The following CELA1 variants were observed in gnomAD, a reference collection of about 807,000 sequenced individuals.
CELA1 encodes the protein chymotrypsin like elastase 1, also known as chymotrypsin-like elastase family member 1.
CELA1 carries 28 observed loss-of-function variants against 34.8 expected under a neutral mutation model. The observed-to-expected ratio is 0.80, with a 90% CI of 0.60 to 1.10. The LOEUF (loss-of-function observed/expected upper bound fraction) is 1.10, where lower values mean the gene tolerates loss of function less well. Among genes scored for constraint, CELA1 ranks in the 50% least tolerant of loss-of-function variants. The pLI is 0.00. For synonymous variants in CELA1, 140 were observed against 129.8 expected, an observed-to-expected ratio of 1.08 and a Z score of -0.53; for missense variants, 288 against 327.5, an observed-to-expected ratio of 0.88 and a Z score of 0.93.
intron 6 of CELA1, among the ~76,000 whole-genome samples, chr12:51,335,607 T>C (rs538117778): frequency 1.2e-3 from 173 of 148,604 alleles, no homozygotes; most frequent in South Asian, 3.2e-3. Context: ...TCCTTAAAGC[T>C]ACCAGACTTT....
At position 51,346,516 on chromosome 12, in the gene CELA1, GA is replaced by G. The variant is rs1160236074; in HGVS notation, c.16+106del. 4 of 1,090,252 alleles carry G rather than the reference GA, an allele frequency of 3.7e-6. No homozygotes were observed. In the East Asian group the frequency reaches 7.7e-5, roughly 21 times the overall value. The allele number at this position is 1,090,252 out of a possible 1,614,324, so 67.5% of individuals were successfully genotyped here. A position where few individuals can be genotyped will look rare whatever the true frequency, so the allele number is the denominator to read the frequency against. On this transcript the variant is annotated intron_variant, in intron 1 of 7. Coordinates refer to ENST00000293636, the MANE Select transcript of CELA1 (RefSeq NM_001971.6). Reference sequence around the variant, plus strand: ...GACAGGGTGCTGGCCTGGACTTAGGGAAAATTTGCTGACCTTCCTGCCCAAG... The same window carrying G: ...GACAGGGTGCTGGCCTGGACTTAGGGAAATTTGCTGACCTTCCTGCCCAAG...
intron 5 of CELA1, 104 bp downstream of exon 5, chr12:51,341,140 G>A: frequency 3.4e-6 from 4 of 1,193,444 alleles, no homozygotes; most frequent in African/African-American, 1.5e-5. Context: ...TTTAGCTCCT[G>A]GTCTCTGGCC....
intron 6 of CELA1, among the ~76,000 whole-genome samples, chr12:51,336,369 C>T (rs1041559364): frequency 2.0e-5 from 3 of 152,170 alleles, no homozygotes; most frequent in Middle Eastern, 3.2e-3. Flanking sequence ...CTTGGCCAGG[C>T]GTGGTGGCTC....
intron 6 of CELA1, among the ~76,000 whole-genome samples, chr12:51,336,563 G>C (rs1282657494): frequency 3.3e-5 from 5 of 152,204 alleles, no homozygotes; most frequent in African/African-American, 9.6e-5. Context: ...TGAGACAGAG[G>C]GGGCAGTGAG....
chr12:51,341,505 C>T (rs1005899187), intron 4 of CELA1, 125 bp from the exon 5 acceptor site: 8 of 1,018,312 alleles, frequency 7.9e-6, no homozygotes, highest in South Asian at 1.5e-5. Context: ...TGAAGAAGGA[C>T]GGGGCTCACT....
At chr12:51,342,445 C>T in intron 4 of CELA1, 130 bp downstream of exon 4, 1 of 1,346,570 alleles carries the variant, frequency 7.4e-7, no homozygotes, top group Non-Finnish European at 1.0e-6. Context: ...AAAGGCCAGG[C>T]CAGGAGCCAC....
intron 6 of CELA1, among the ~76,000 whole-genome samples, chr12:51,338,287 C>CAT (rs35600345): frequency 5.6e-5 from 7 of 124,292 alleles, no homozygotes; most frequent in African/African-American, 1.8e-4. Flanking sequence ...CACACACACA[C>CAT]ATACACATAC....
chr12:51,341,037 C>CT lies in CELA1; in HGVS notation c.463+206dup, dbSNP rs143156265. On this transcript the variant is annotated intron_variant, in intron 5 of 7. Transcript: ENST00000293636. ...GGTAAAAAAAATTCTCTGATAAAGT[C>CT]TTTTTTTGTTCTAAGAGTCCATGAA... Among the ~76,000 whole-genome samples the CT allele has an allele frequency of 4.6e-5, 7 of 152,148 alleles. No homozygotes were observed. In the East Asian group the frequency reaches 1.4e-3, roughly 29 times the overall value.
intron 6 of CELA1, among the ~76,000 whole-genome samples, chr12:51,330,947 G>A (rs1254349542): frequency 1.4e-5 from 2 of 144,020 alleles, no homozygotes; most frequent in Non-Finnish European, 3.0e-5. Flanking sequence ...TCCAGCCTGG[G>A]CGACAGAGTG....
In CELA1 at chr12:51,329,778, C is replaced by G; in HGVS notation, c.665G>C (p.Gly222Ala). The part of the protein sequence containing the change: ...CLVNGKYSVH[G>A]VTSFVSSRGC... ...CCGGCTGGACACAAAGCTGGTCACTCCATGGACAGAATACTTGCCATTCAC... is the reference window on the plus strand; with the variant it reads ...CCGGCTGGACACAAAGCTGGTCACTGCATGGACAGAATACTTGCCATTCAC... The change falls in exon 7 of 8, where the codon GGA (glycine) becomes GCA (alanine). Residue 222 changes from glycine to alanine, a missense_variant. Physicochemically the swap from Gly to Ala is moderately conservative, Grantham distance 60. Transcript: ENST00000293636. 4 of 1,613,810 alleles carry G rather than the reference C, an allele frequency of 2.5e-6. No individual in the cohort carries two copies. Among genetic ancestry groups the G allele is most frequent in the Non-Finnish European group, 3.4e-6 (4 of 1,179,914 alleles).
At chr12:51,330,184 G>C (rs182442654) in intron 6 of CELA1, among the ~76,000 whole-genome samples, 1 of 152,056 alleles carries the variant, frequency 6.6e-6, no homozygotes, top group Admixed American at 6.6e-5. Flanking sequence ...AAGTTCAATC[G>C]CTTTTATTGG....
intron 5 of CELA1, among the ~76,000 whole-genome samples, chr12:51,340,998 A>T (rs903754909): frequency 6.6e-6 from 1 of 152,208 alleles, no homozygotes; most frequent in African/African-American, 2.4e-5. Context: ...AATAAATTTT[A>T]AAAATGAGGG....
At chr12:51,339,770 G>A in intron 6 of CELA1, 90 bp downstream of exon 6, 1 of 1,322,680 alleles carries the variant, frequency 7.6e-7, no homozygotes, top group Non-Finnish European at 1.1e-6. Flanking sequence ...AGGACTAAGA[G>A]TAAGTGTCGA....
chr12:51,334,084 T>C (rs1946487348), intron 6 of CELA1, among the ~76,000 whole-genome samples: 1 of 152,086 alleles, frequency 6.6e-6, no homozygotes, highest in African/African-American at 2.4e-5. Flanking sequence ...TTTGAGAAAC[T>C]CCAGTGGGGA....
intron 6 of CELA1, among the ~76,000 whole-genome samples, chr12:51,332,187 T>TAAAA (rs35398341): frequency 7.1e-6 from 1 of 140,228 alleles, no homozygotes; most frequent in East Asian, 2.1e-4. Flanking sequence ...CCTGTCTCTT[T>TAAAA]AAAAAAAAAA....
At chr12:51,340,060 A>ACCTT in intron 5 of CELA1, 55 bp from the exon 6 acceptor site, 1 of 1,517,378 alleles carries the variant, frequency 6.6e-7, no homozygotes, top group Non-Finnish European at 8.9e-7. Context: ...CAGCAGAAAA[A>ACCTT]CCTTCCACCC....
intron 3 of CELA1, among the ~76,000 whole-genome samples, chr12:51,343,129 A>C (rs4145127): frequency 0.43 from 64,843 of 151,950 alleles, 14,181 homozygotes; most frequent in East Asian, 0.58. Flanking sequence ...TATCTTGTAA[A>C]CTGGGAGAGG....
At chr12:51,333,278 G>A (rs1417336626) in intron 6 of CELA1, among the ~76,000 whole-genome samples, 1 of 152,022 alleles carries the variant, frequency 6.6e-6, no homozygotes, top group Non-Finnish European at 1.5e-5. Context: ...ATTTTTAGTA[G>A]AGATGGAGTT....
rs917447121 is a variant in CELA1, at chr12:51,329,898, G to GC, written c.610-66dup. On this transcript the variant is annotated intron_variant, in intron 6 of 7. Coordinates refer to ENST00000293636, the MANE Select transcript of CELA1 (RefSeq NM_001971.6). ...TCGGGCTTTTGCTTGCACTCCCCCC[G>GC]CCCCCGTCTCTGGTTGTGAAATTCT... is the stretch of plus-strand genomic sequence containing the variant. 99 of 1,439,288 alleles carry GC rather than the reference G, an allele frequency of 6.9e-5. 1 individual carries two copies. Among genetic ancestry groups the GC allele is most frequent in the Non-Finnish European group, 8.6e-5 (92 of 1,067,902 alleles). The allele number at this position is 1,439,288 out of a possible 1,614,324, so 89.2% of individuals were successfully genotyped here. A position where few individuals can be genotyped will look rare whatever the true frequency, so the allele number is the denominator to read the frequency against.
Sources: gnomAD v4.1 joint callset for allele counts (sites outside exome capture counted in the v4.1 genomes callset) on GRCh38, gnomAD v4.1.1 for gene constraint, MANE v1.5 for transcripts, NCBI Gene and HGNC (gene_info 2026-07-23, HGNC 2026-07-21) for gene names.